The following TPD52L1 variants were observed in gnomAD, a reference collection of about 807,000 sequenced individuals.
TPD52L1 encodes the protein tumor protein D53.
TPD52L1 carries 18 observed loss-of-function variants against 28.7 expected under a neutral mutation model. The ratio of observed to expected loss-of-function variants is 0.63; its 90% CI spans 0.43 to 0.93. The LOEUF (loss-of-function observed/expected upper bound fraction) is 0.93. Ranked by LOEUF, TPD52L1 falls within the 40% of genes least tolerant of loss-of-function variation. The pLI, the probability that TPD52L1 is intolerant of heterozygous loss-of-function variation, is 0.00. For missense variants in TPD52L1, 203 were observed against 254.8 expected, an observed-to-expected ratio of 0.80 and a Z score of 1.39; for synonymous variants, 75 against 88.8, an observed-to-expected ratio of 0.84 and a Z score of 0.88.
At chr6:125,245,810 A>T (rs1796890588) in intron 3 of TPD52L1, among the ~76,000 whole-genome samples, 1 of 152,172 alleles carries the variant, frequency 6.6e-6, no homozygotes, top group Non-Finnish European at 1.5e-5. Flanking sequence ...GTGCACAATG[A>T]ACTCAGACCT....
At chr6:125,166,006 TTGGCTGAAAGGAC>T (rs1195879469) in intron 1 of TPD52L1, among the ~76,000 whole-genome samples, 1 of 152,188 alleles carries the variant, frequency 6.6e-6, no homozygotes, top group Non-Finnish European at 1.5e-5. Flanking sequence ...CCTTTAGATG[TTGGCTGAAAGGAC>T]TAATTTCAAT....
Position 125,248,975 on chromosome 6 carries a change from A to C in TPD52L1, c.386+592A>C, listed in dbSNP as rs76530474. ...CTATAGCAATGCTTTTAGATAAGTA[A>C]CCTTGCACATTTTCATTATTTTCAA... On this transcript the variant is annotated intron_variant, in intron 4 of 6. Coordinates refer to ENST00000534000, the MANE Select transcript of TPD52L1 (RefSeq NM_003287.4). 7.6e-3 allele frequency among the ~76,000 whole-genome samples: 1,152 copies of C among 152,188 alleles called. 16 individuals are homozygous for C. Among genetic ancestry groups the C allele is most frequent in the African/African-American group, 0.026 (1,080 of 41,530 alleles).
chr6:125,165,363 A>C lies in TPD52L1; in HGVS notation c.19+11393A>C, dbSNP rs539875946. 2.6e-4 allele frequency among the ~76,000 whole-genome samples: 39 copies of C among 152,256 alleles called. No homozygotes were observed. In the South Asian group the frequency reaches 6.2e-3, roughly 24 times the overall value. On this transcript the variant is annotated intron_variant, in intron 1 of 6. Transcript: ENST00000534000. ...TATTTTAATGAATTTGAAATGGCTA[A>C]AAGGAAGCTTTGGGTCCTCAAGGAA...
At chr6:125,220,572 G>C (rs548140595) in intron 2 of TPD52L1, among the ~76,000 whole-genome samples, 2 of 152,250 alleles carry the variant, frequency 1.3e-5, no homozygotes, top group South Asian at 4.1e-4. Context: ...TCTGGTTTTA[G>C]GTCAGCAACT....
intron 1 of TPD52L1, among the ~76,000 whole-genome samples, chr6:125,180,937 A>T (rs1027698527): frequency 2.1e-5 from 3 of 145,304 alleles, no homozygotes; most frequent in African/African-American, 7.9e-5. Flanking sequence ...TTGTATTCAC[A>T]GCCCTTTCTG....
chr6:125,170,685 T>A (rs772594568), intron 1 of TPD52L1, among the ~76,000 whole-genome samples: 1 of 152,164 alleles, frequency 6.6e-6, no homozygotes, highest in Non-Finnish European at 1.5e-5. Flanking sequence ...AAGTCTTGTG[T>A]CTTCTGCCAA....
At chr6:125,157,097 A>G (rs1249064063) in intron 1 of TPD52L1, among the ~76,000 whole-genome samples, 2 of 152,136 alleles carry the variant, frequency 1.3e-5, no homozygotes, top group Non-Finnish European at 2.9e-5. Flanking sequence ...TCTAGATAAG[A>G]CAGTTCTGTG....
intron 2 of TPD52L1, 60 bp from the exon 3 acceptor site, chr6:125,229,058 G>GT: frequency 6.4e-7 from 1 of 1,569,392 alleles, no homozygotes; most frequent in Non-Finnish European, 8.6e-7. Context: ...CAGAGCTTCT[G>GT]TAAGTATCCT....
intron 1 of TPD52L1, among the ~76,000 whole-genome samples, chr6:125,173,996 T>C (rs2114795923): frequency 6.6e-6 from 1 of 152,318 alleles, no homozygotes; most frequent in South Asian, 2.1e-4. Context: ...TGGATTCATT[T>C]CCCAGTGCAG....
intron 1 of TPD52L1, among the ~76,000 whole-genome samples, chr6:125,211,070 T>C (rs1386053196): frequency 6.6e-6 from 1 of 152,180 alleles, no homozygotes; most frequent in Non-Finnish European, 1.5e-5. Context: ...TTAAGGCACA[T>C]AATTAGGCAA....
Position 125,252,674 on chromosome 6 carries a change from C to T in TPD52L1, c.387-1043C>T, listed in dbSNP as rs924459971. ...AAAGCGGTCTATATTTACAGAGATACACCAATTGGTAATGCAGATGAGGCT... is the reference window on the plus strand; with the variant it reads ...AAAGCGGTCTATATTTACAGAGATATACCAATTGGTAATGCAGATGAGGCT... On this transcript the variant is annotated intron_variant, in intron 4 of 6. Coordinates refer to ENST00000534000, the MANE Select transcript of TPD52L1 (RefSeq NM_003287.4). The T allele has an allele frequency of 1.3e-5, 2 of 152,256 alleles. 1 individual carries two copies. Among genetic ancestry groups the T allele is most frequent in the Admixed American group, 1.3e-4 (2 of 15,290 alleles). 9.4% of individuals were successfully genotyped at this position (152,256 alleles called of 1,614,324 possible). A position where few individuals can be genotyped will look rare whatever the true frequency, so the allele number is the denominator to read the frequency against.
intron 1 of TPD52L1, among the ~76,000 whole-genome samples, chr6:125,199,863 T>C (rs6933343): frequency 0.068 from 10,284 of 152,276 alleles, 1,136 homozygotes; most frequent in African/African-American, 0.23. Flanking sequence ...TTTGGAGCCA[T>C]AGAGCACCTG....
intron 6 of TPD52L1, chr6:125,261,001 A>G (rs1797983121): frequency 4.2e-5 from 2 of 47,960 alleles, no homozygotes; most frequent in African/African-American, 2.8e-4. Context: ...AAAGAAAGAA[A>G]GAAAGAAAGA....
chr6:125,211,773 C>A (rs190104401), intron 1 of TPD52L1, among the ~76,000 whole-genome samples: 12 of 152,304 alleles, frequency 7.9e-5, no homozygotes, highest in African/African-American at 2.6e-4. Flanking sequence ...TTCACGGCAA[C>A]AGGAATAAAA....
chr6:125,246,122 G>C (rs1796909180), intron 3 of TPD52L1, among the ~76,000 whole-genome samples: 1 of 152,152 alleles, frequency 6.6e-6, no homozygotes, highest in African/African-American at 2.4e-5. Flanking sequence ...TGCCTATAAG[G>C]CTTTTCCCAT....
chr6:125,155,044 G>A (rs1474854926), intron 1 of TPD52L1, among the ~76,000 whole-genome samples: 3 of 152,186 alleles, frequency 2.0e-5, no homozygotes, highest in African/African-American at 7.2e-5. Context: ...CAACAGGTTT[G>A]CTGCCAGGAT....
chr6:125,261,680 G>A (rs1446164840), intron 6 of TPD52L1: 1 of 141,706 alleles, frequency 7.1e-6, no homozygotes, highest in Admixed American at 7.1e-5. Flanking sequence ...TTTCCTTTTT[G>A]TATTATGAGA....
chr6:125,248,046 A>G (rs903682644), intron 3 of TPD52L1, among the ~76,000 whole-genome samples: 5 of 152,156 alleles, frequency 3.3e-5, no homozygotes, highest in Non-Finnish European at 5.9e-5. Flanking sequence ...TCAGATCTGT[A>G]TTTGTATTTG....
At chr6:125,218,007 G>A (rs13212938) in intron 1 of TPD52L1, among the ~76,000 whole-genome samples, 1 of 152,084 alleles carries the variant, frequency 6.6e-6, no homozygotes, top group Non-Finnish European at 1.5e-5. Flanking sequence ...ACTTTTGTGT[G>A]ACTTACAGTT....
Sources: allele counts gnomAD v4.1 joint callset (sites outside exome capture counted in the v4.1 genomes callset), GRCh38; gene constraint gnomAD v4.1.1; transcripts MANE v1.5; gene names NCBI Gene and HGNC (gene_info 2026-07-23, HGNC 2026-07-21).